Variants in GALNT13 observed in about 807,000 individuals in gnomAD.
GALNT13 encodes polypeptide N-acetylgalactosaminyltransferase 13.
Under a neutral mutation model 64.2 loss-of-function variants are expected in GALNT13, and 28 were observed. The observed-to-expected ratio is 0.44, with a 90% CI of 0.32 to 0.60. GALNT13 has a LOEUF of 0.60. Ranked by LOEUF, GALNT13 falls within the 20% of genes least tolerant of loss-of-function variation. The pLI, the probability that GALNT13 is intolerant of heterozygous loss-of-function variation, is 0.05. For missense variants in GALNT13, 577 were observed against 669.8 expected (o/e 0.86, Z 1.53); for synonymous variants, 214 against 224.6 (o/e 0.95, Z 0.42).
At chr2:153,119,556 G>C in the GALNT13 span, among the ~76,000 whole-genome samples, 1 of 152,158 alleles carries the variant, frequency 6.6e-6, no homozygotes, top group South Asian at 2.1e-4. Flanking sequence ...GGCACTGTTA[G>C]TGCCCCAGAT....
At chr2:154,411,317 TACACACACACACACACAC>T (rs59114913) in intron 11 of GALNT13, among the ~76,000 whole-genome samples, 1 of 147,764 alleles carries the variant, frequency 6.8e-6, no homozygotes, top group African/African-American at 2.5e-5. Context: ...TAATTGCACA[TACACACACACACACACAC>T]ACACACACAC....
At chr2:153,819,664 C>T in the GALNT13 span, among the ~76,000 whole-genome samples, 1 of 152,206 alleles carries the variant, frequency 6.6e-6, no homozygotes, top group East Asian at 1.9e-4. Context: ...ACATACTCAC[C>T]TGCTATGCCA....
intron 9 of GALNT13, among the ~76,000 whole-genome samples, chr2:154,377,719 T>A (rs1698068197): frequency 6.6e-6 from 1 of 152,184 alleles, no homozygotes; most frequent in African/African-American, 2.4e-5. Flanking sequence ...GTCCTAGGGA[T>A]CTAGAAGTAC....
chr2:154,445,657 T>C (rs1159342882), intron 12 of GALNT13: 2 of 288,240 alleles, frequency 6.9e-6, no homozygotes, highest in African/African-American at 4.4e-5. Flanking sequence ...TCTTTACAAA[T>C]TATGTACTAT....
chr2:154,159,191 A>G (rs759398605), intron 4 of GALNT13, among the ~76,000 whole-genome samples: 3 of 151,824 alleles, frequency 2.0e-5, no homozygotes, highest in South Asian at 2.1e-4. Flanking sequence ...CTGGAATGCA[A>G]TGGCACTATC....
intron 3 of GALNT13, among the ~76,000 whole-genome samples, chr2:154,025,368 A>G (rs1697878699): frequency 6.6e-6 from 1 of 152,134 alleles, no homozygotes; most frequent in Admixed American, 6.5e-5. Flanking sequence ...TGATCTCACC[A>G]TCTGGAAGTA....
At chr2:153,420,353 T>G in the GALNT13 span, among the ~76,000 whole-genome samples, 6 of 152,210 alleles carry the variant, frequency 3.9e-5, no homozygotes, top group Admixed American at 2.6e-4. Flanking sequence ...TTTAAACATG[T>G]ATGACACTAT....
intron 2 of GALNT13, among the ~76,000 whole-genome samples, chr2:153,940,079 G>GT (rs151081948): frequency 0.055 from 8,336 of 151,644 alleles, 341 homozygotes; most frequent in South Asian, 0.13. Flanking sequence ...TTTTGTTGTT[G>GT]TTTTTTTCAG....
chr2:154,008,276 G>T, intron 3 of GALNT13, among the ~76,000 whole-genome samples: 1 of 151,948 alleles, frequency 6.6e-6, no homozygotes, highest in East Asian at 1.9e-4. Flanking sequence ...TTATTATTTC[G>T]ATTCATATCT....
the GALNT13 span, among the ~76,000 whole-genome samples, chr2:153,690,590 T>A: frequency 1.3e-5 from 2 of 152,150 alleles, no homozygotes; most frequent in Non-Finnish European, 2.9e-5. Flanking sequence ...GATAGATTTA[T>A]AGACTAACTT....
At chr2:153,320,463 G>A in the GALNT13 span, among the ~76,000 whole-genome samples, 1 of 152,130 alleles carries the variant, frequency 6.6e-6, no homozygotes. Flanking sequence ...GACAGATGAG[G>A]TCATTGCTTC....
the GALNT13 span, among the ~76,000 whole-genome samples, chr2:153,123,910 G>C: frequency 6.6e-6 from 1 of 152,144 alleles, no homozygotes; most frequent in African/African-American, 2.4e-5. Flanking sequence ...TTGTGGGCTG[G>C]ACAATCTGAG....
At chr2:153,309,178 A>G in the GALNT13 span, among the ~76,000 whole-genome samples, 1 of 152,156 alleles carries the variant, frequency 6.6e-6, no homozygotes, top group South Asian at 2.1e-4. Flanking sequence ...CTCAAAATAT[A>G]ACAACCTCAC....
the GALNT13 span, among the ~76,000 whole-genome samples, chr2:153,367,390 A>G: frequency 5.2e-3 from 795 of 152,206 alleles, 3 homozygotes; most frequent in Non-Finnish European, 8.5e-3. Flanking sequence ...AAGCAGCATA[A>G]TGATCCGTCA....
intron 8 of GALNT13, among the ~76,000 whole-genome samples, chr2:154,282,194 G>A (rs1691997395): frequency 6.6e-6 from 1 of 152,034 alleles, no homozygotes; most frequent in Non-Finnish European, 1.5e-5. Flanking sequence ...TCCTAAAGGA[G>A]AACAAAAGTG....
the GALNT13 span, among the ~76,000 whole-genome samples, chr2:153,108,951 G>A: frequency 6.6e-6 from 1 of 152,160 alleles, no homozygotes; most frequent in Non-Finnish European, 1.5e-5. Flanking sequence ...TGTATTTACA[G>A]AGATATGGAA....
the GALNT13 span, among the ~76,000 whole-genome samples, chr2:153,801,598 A>G: frequency 6.6e-6 from 1 of 152,152 alleles, no homozygotes; most frequent in Non-Finnish European, 1.5e-5. Flanking sequence ...AAAGAGTTAC[A>G]ATAGTAACAT....
intron 3 of GALNT13, among the ~76,000 whole-genome samples, chr2:154,024,520 C>T (rs1441084627): frequency 2.6e-5 from 4 of 152,276 alleles, no homozygotes; most frequent in Admixed American, 6.5e-5. Flanking sequence ...ACGTAGCTCT[C>T]GTGCCTTGGT....
chr2:153,099,521 A>G, the GALNT13 span, among the ~76,000 whole-genome samples: 3 of 152,236 alleles, frequency 2.0e-5, no homozygotes, highest in Non-Finnish European at 4.4e-5. Context: ...GCAGGCAAAT[A>G]CATAATGCAT....
Sources: allele counts gnomAD v4.1 joint callset (sites outside exome capture counted in the v4.1 genomes callset), GRCh38; gene constraint gnomAD v4.1.1; transcripts MANE v1.5; gene names NCBI Gene and HGNC (gene_info 2026-07-23, HGNC 2026-07-21).